Variants in PTPRD observed in about 807,000 individuals in gnomAD.
PTPRD encodes the protein receptor-type tyrosine-protein phosphatase delta.
PTPRD carries 34 observed loss-of-function variants against 214.5 expected under a neutral mutation model. That is an observed-to-expected ratio of 0.16 (90% confidence interval 0.12 to 0.21). PTPRD has a LOEUF of 0.21. Among genes scored for constraint, PTPRD ranks in the 10% least tolerant of loss-of-function variants. PTPRD has a pLI of 1.00. For synonymous variants in PTPRD, 1,128 were observed against 845.7 expected, an observed-to-expected ratio of 1.33 and a Z score of -5.79; for missense variants, 2,545 against 2,398.7, an observed-to-expected ratio of 1.06 and a Z score of -1.27.
chr9:10,597,875 G>A (rs1196541547), intron 2 of PTPRD, among the ~76,000 whole-genome samples: 1 of 151,738 alleles, frequency 6.6e-6, no homozygotes, highest in Non-Finnish European at 1.5e-5. Flanking sequence ...ATTGAACATT[G>A]AGTCTTTCCA....
intron 3 of PTPRD, among the ~76,000 whole-genome samples, chr9:10,110,604 A>G (rs2098682147): frequency 6.6e-6 from 1 of 152,198 alleles, no homozygotes; most frequent in Non-Finnish European, 1.5e-5. Flanking sequence ...ATGGAGGAAA[A>G]GAGCAATTTT....
At chr9:10,370,549 T>C (rs772202197) in intron 2 of PTPRD, among the ~76,000 whole-genome samples, 1 of 152,072 alleles carries the variant, frequency 6.6e-6, no homozygotes, top group Non-Finnish European at 1.5e-5. Context: ...TTGAAATACA[T>C]TGAAATTGAA....
chr9:8,675,104 G>A (rs1435131630), intron 12 of PTPRD, among the ~76,000 whole-genome samples: 1 of 152,028 alleles, frequency 6.6e-6, no homozygotes, highest in Non-Finnish European at 1.5e-5. Context: ...TTAAGTGGAT[G>A]TCGCATACAC....
intron 11 of PTPRD, among the ~76,000 whole-genome samples, chr9:8,800,567 G>A (rs542353845): frequency 1.3e-5 from 2 of 152,260 alleles, no homozygotes; most frequent in African/African-American, 2.4e-5. Context: ...GTTTACAAAT[G>A]CCATGGCAAT....
intron 2 of PTPRD, among the ~76,000 whole-genome samples, chr9:10,566,825 G>A (rs535900010): frequency 1.7e-4 from 26 of 152,052 alleles, no homozygotes; most frequent in African/African-American, 5.8e-4. Flanking sequence ...TATCTTCCAG[G>A]AACTGATTTG....
chr9:10,033,124 G>A (rs766987210), intron 4 of PTPRD, among the ~76,000 whole-genome samples: 19 of 150,440 alleles, frequency 1.3e-4, no homozygotes, highest in Non-Finnish European at 8.9e-5. Flanking sequence ...TGTACCTACA[G>A]AAACACACTC....
At position 8,574,325 on chromosome 9, in the gene PTPRD, A is replaced by G. The variant is rs138024519; in HGVS notation, c.353-45546T>C. 8.2e-3 allele frequency among the ~76,000 whole-genome samples: 1,250 copies of G among 152,110 alleles called. 16 individuals are homozygous for G. The highest frequency in any genetic ancestry group is 0.029 in the African/African-American group (1,195 of 41,548). ...AATATTATTTTAATTTAAACTATTC[A>G]TTTTGGACATCATCTACTATTGTAG... On this transcript the variant is annotated intron_variant, in intron 14 of 45. Coordinates refer to ENST00000381196, the MANE Select transcript of PTPRD (RefSeq NM_002839.4).
chr9:9,731,273 T>G (rs2098186501), intron 7 of PTPRD, among the ~76,000 whole-genome samples: 1 of 152,136 alleles, frequency 6.6e-6, no homozygotes, highest in African/African-American at 2.4e-5. Flanking sequence ...ATCATTTGTA[T>G]TTCAATAGTA....
At chr9:9,426,960 A>G (rs1343684548) in intron 8 of PTPRD, among the ~76,000 whole-genome samples, 1 of 152,174 alleles carries the variant, frequency 6.6e-6, no homozygotes, top group Non-Finnish European at 1.5e-5. Context: ...TGGGGAAAAA[A>G]CAGAGCAGAA....
At chr9:10,523,650 G>A (rs569869845) in intron 2 of PTPRD, among the ~76,000 whole-genome samples, 1 of 126,804 alleles carries the variant, frequency 7.9e-6, no homozygotes, top group Non-Finnish European at 1.7e-5. Flanking sequence ...GAGAGAGAGA[G>A]AGAGAGAAAT....
chr9:10,608,756 C>T (rs748233025), intron 2 of PTPRD, among the ~76,000 whole-genome samples: 24 of 152,100 alleles, frequency 1.6e-4, no homozygotes, highest in African/African-American at 4.3e-4. Context: ...GTTCTCCTAA[C>T]GGGTAATGTT....
At chr9:8,809,563 A>G (rs2096758721) in intron 11 of PTPRD, among the ~76,000 whole-genome samples, 1 of 152,194 alleles carries the variant, frequency 6.6e-6, no homozygotes, top group Non-Finnish European at 1.5e-5. Context: ...CACTTCTTAA[A>G]GATTTAGTCC....
intron 5 of PTPRD, among the ~76,000 whole-genome samples, chr9:9,811,278 G>A (rs533720179): frequency 5.6e-4 from 86 of 152,230 alleles, no homozygotes; most frequent in African/African-American, 1.9e-3. Context: ...GTTCAGGAAC[G>A]CAGTGAAAGA....
At chr9:10,255,394 G>A (rs1159116108) in intron 3 of PTPRD, among the ~76,000 whole-genome samples, 1 of 152,100 alleles carries the variant, frequency 6.6e-6, no homozygotes, top group Admixed American at 6.6e-5. Context: ...TAACACAATA[G>A]TAAGTGTTTG....
At chr9:9,177,728 A>T (rs1244265556) in intron 10 of PTPRD, among the ~76,000 whole-genome samples, 1 of 152,134 alleles carries the variant, frequency 6.6e-6, no homozygotes, top group Non-Finnish European at 1.5e-5. Context: ...ATGTAAACAA[A>T]TCAATTTAAA....
intron 5 of PTPRD, among the ~76,000 whole-genome samples, chr9:9,792,645 G>A (rs1014440995): frequency 6.6e-6 from 1 of 152,142 alleles, no homozygotes; most frequent in African/African-American, 2.4e-5. Flanking sequence ...AGTACACTCA[G>A]TGGCTTCAAG....
At chr9:8,828,329 T>C (rs1601138170) in intron 11 of PTPRD, among the ~76,000 whole-genome samples, 1 of 152,118 alleles carries the variant, frequency 6.6e-6, no homozygotes, top group African/African-American at 2.4e-5. Context: ...TGAGGGTGGA[T>C]CCCTTGTGAA....
At chr9:8,437,795 T>C (rs992265338) in intron 34 of PTPRD, among the ~76,000 whole-genome samples, 1 of 152,148 alleles carries the variant, frequency 6.6e-6, no homozygotes, top group African/African-American at 2.4e-5. Context: ...GGTGACACAT[T>C]CTAGTTCATT....
At chr9:10,484,328 C>T (rs181550746) in intron 2 of PTPRD, among the ~76,000 whole-genome samples, 7 of 152,126 alleles carry the variant, frequency 4.6e-5, no homozygotes, top group African/African-American at 1.7e-4. Flanking sequence ...GTACCCCTAC[C>T]TATTGTGTTA....
Sources: allele counts gnomAD v4.1 joint callset (sites outside exome capture counted in the v4.1 genomes callset), GRCh38; gene constraint gnomAD v4.1.1; transcripts MANE v1.5; gene names NCBI Gene and HGNC (gene_info 2026-07-23, HGNC 2026-07-21).